CSMD3: variants seen among roughly 807,000 people sequenced by gnomAD.
CSMD3 encodes CUB and sushi domain-containing protein 3.
Under a neutral mutation model 435.2 loss-of-function variants are expected in CSMD3, and 177 were observed. That is an observed-to-expected ratio of 0.41 (90% CI 0.36 to 0.46). The LOEUF (loss-of-function observed/expected upper bound fraction) is 0.46. Among genes scored for constraint, CSMD3 ranks in the 20% least tolerant of loss-of-function variants. The probability of loss-of-function intolerance (pLI) is 0.34; values close to 1 mark genes in which losing one functional copy is unlikely to be tolerated. For missense variants in CSMD3, 4,265 were observed against 4,504.6 expected (o/e 0.95, Z 1.52); for synonymous variants, 1,656 against 1,520.5 (o/e 1.09, Z -2.07).
Position 112,492,668 on chromosome 8 carries a change from G to C in CSMD3, c.5099C>G (p.Ser1700Cys), listed in dbSNP as rs765905017. 1 of 1,613,646 alleles carries C rather than the reference G, an allele frequency of 6.2e-7. No individual in the cohort carries two copies. Among genetic ancestry groups the C allele is most frequent in the East Asian group, 2.2e-5 (1 of 44,858 alleles). The change falls in exon 31 of 71, where the codon TCC becomes TGC. Residue 1700 changes from serine to cysteine, a missense_variant. Ser to Cys is a moderately radical substitution (Grantham distance 112, BLOSUM62 -1). This residue lies in a region of CSMD3 where 3,255 missense variants were observed against 3,380.2 expected (regional missense o/e 0.96). Transcript: ENST00000297405. The part of the protein sequence containing the change: ...HLEYKAKLRE[S>C]CFDPGNIMNG... Reference sequence around the variant, plus strand: ...CATTATATTGCCTGGATCAAAGCAGGACTCTCGCAGTTTTGCTGTAAAACA... The same window carrying C: ...CATTATATTGCCTGGATCAAAGCAGCACTCTCGCAGTTTTGCTGTAAAACA...
chr8:112,791,058 C>T (rs1467640447), intron 13 of CSMD3, among the ~76,000 whole-genome samples: 1 of 152,080 alleles, frequency 6.6e-6, no homozygotes, highest in Non-Finnish European at 1.5e-5. Context: ...CACGGTGGCT[C>T]ACGCCTGTAA....
intron 2 of CSMD3, among the ~76,000 whole-genome samples, chr8:113,285,830 C>T (rs1227465736): frequency 6.6e-6 from 1 of 152,124 alleles, no homozygotes; most frequent in Non-Finnish European, 1.5e-5. Context: ...TTCAAAAATG[C>T]ATGTAAACTC....
intron 13 of CSMD3, among the ~76,000 whole-genome samples, chr8:112,739,096 T>C (rs554193365): frequency 1.8e-4 from 28 of 151,860 alleles, no homozygotes; most frequent in Non-Finnish European, 2.7e-4. Context: ...AAAATGATTA[T>C]ATGATAAAAA....
intron 12 of CSMD3, among the ~76,000 whole-genome samples, chr8:112,807,124 A>G (rs1386033264): frequency 6.6e-6 from 1 of 152,138 alleles, no homozygotes; most frequent in African/African-American, 2.4e-5. Flanking sequence ...GTCAATTCCC[A>G]TGAGTTACCT....
At chr8:112,270,514 A>G (rs1817426440) in intron 59 of CSMD3, among the ~76,000 whole-genome samples, 1 of 152,096 alleles carries the variant, frequency 6.6e-6, no homozygotes, top group African/African-American at 2.4e-5. Flanking sequence ...TTGGAATTCC[A>G]AAGTTACTTC....
intron 3 of CSMD3, among the ~76,000 whole-genome samples, chr8:113,242,561 C>T (rs530960804): frequency 1.2e-4 from 18 of 151,900 alleles, no homozygotes; most frequent in Non-Finnish European, 2.2e-4. Flanking sequence ...AACTGCAGTC[C>T]GCTTCTGCTT....
intron 1 of CSMD3, among the ~76,000 whole-genome samples, chr8:113,326,423 A>T (rs1428874082): frequency 2.0e-5 from 3 of 150,254 alleles, no homozygotes; most frequent in East Asian, 3.9e-4. Context: ...TTTTTTTTTA[A>T]ATCAGGGTAA....
At chr8:112,909,818 A>G (rs1436913480) in intron 10 of CSMD3, among the ~76,000 whole-genome samples, 1 of 151,808 alleles carries the variant, frequency 6.6e-6, no homozygotes, top group Non-Finnish European at 1.5e-5. Context: ...TATGAAAATG[A>G]GTTCATCTTT....
At chr8:113,159,589 T>C (rs1476192836) in intron 4 of CSMD3, among the ~76,000 whole-genome samples, 2 of 152,092 alleles carry the variant, frequency 1.3e-5, no homozygotes, top group Admixed American at 6.6e-5. Context: ...TATATTCTGA[T>C]AAGCCATAAT....
In CSMD3 at chr8:112,786,482, C is replaced by T. The variant is rs573238913; in HGVS notation, c.1972+13680G>A. On this transcript the variant is annotated intron_variant, in intron 13 of 70. Transcript: ENST00000297405. ...AAGGAGGCAGGGTGAAGAGAAAACACACAAAATGGGAGAAAATATTTGCAA... is the reference window on the plus strand; with the variant it reads ...AAGGAGGCAGGGTGAAGAGAAAACATACAAAATGGGAGAAAATATTTGCAA... Among the ~76,000 whole-genome samples, 367 of 151,716 alleles carry T rather than the reference C, an allele frequency of 2.4e-3. 1 individual carries two copies. The highest frequency in any genetic ancestry group is 4.3e-3 in the Non-Finnish European group (290 of 67,896).
chr8:112,817,691 G>A (rs1199024827), intron 12 of CSMD3, among the ~76,000 whole-genome samples: 2 of 152,042 alleles, frequency 1.3e-5, no homozygotes, highest in Non-Finnish European at 2.9e-5. Flanking sequence ...TAGAGAGAGA[G>A]AGAGAAAAGA....
At chr8:112,483,609 G>A (rs1322108198) in intron 31 of CSMD3, among the ~76,000 whole-genome samples, 4 of 152,158 alleles carry the variant, frequency 2.6e-5, no homozygotes, top group Non-Finnish European at 5.9e-5. Context: ...TGTTAGATCT[G>A]GTATGTAGTG....
chr8:112,448,185 CT>C (rs1242701072), intron 32 of CSMD3, among the ~76,000 whole-genome samples: 1 of 152,176 alleles, frequency 6.6e-6, no homozygotes, highest in Non-Finnish European at 1.5e-5. Context: ...CTACTGCCTT[CT>C]TGCTGTGTCC....
chr8:112,473,503 G>C (rs1397753372), intron 31 of CSMD3, among the ~76,000 whole-genome samples: 8 of 152,118 alleles, frequency 5.3e-5, no homozygotes, highest in African/African-American at 1.9e-4. Flanking sequence ...GAGGTTCTAG[G>C]AGACACCAAA....
intron 4 of CSMD3, among the ~76,000 whole-genome samples, chr8:113,129,667 A>T (rs2091234027): frequency 6.6e-6 from 1 of 152,206 alleles, no homozygotes; most frequent in Admixed American, 6.5e-5. Context: ...GGACACTGTG[A>T]GAATCATGGA....
intron 1 of CSMD3, among the ~76,000 whole-genome samples, chr8:113,416,748 T>C (rs1425577119): frequency 6.6e-6 from 1 of 152,124 alleles, no homozygotes; most frequent in Non-Finnish European, 1.5e-5. Context: ...AAGCTTTCAC[T>C]TGGTTGTGGT....
chr8:112,931,504 A>T (rs980650670), intron 9 of CSMD3, among the ~76,000 whole-genome samples: 8 of 152,054 alleles, frequency 5.3e-5, no homozygotes, highest in African/African-American at 1.9e-4. Context: ...AAAAAAAAAA[A>T]ACTTAGGGAA....
At position 112,406,509 on chromosome 8, in the gene CSMD3, A is replaced by T; in HGVS notation, c.5809+15T>A. ...ACTATGTATAATCACAGATCATACA[A>T]ATTTATATACTCACCAATACAAGTA... On this transcript the variant is annotated intron_variant, in intron 35 of 70. Coordinates refer to ENST00000297405, the MANE Select transcript of CSMD3 (RefSeq NM_198123.2). 1 of 1,577,830 alleles carries T rather than the reference A, an allele frequency of 6.3e-7. No individual in the cohort carries two copies. The highest frequency in any genetic ancestry group is 8.7e-7 in the Non-Finnish European group (1 of 1,150,272).
intron 2 of CSMD3, among the ~76,000 whole-genome samples, chr8:113,302,557 A>C (rs546892299): frequency 1.1e-4 from 17 of 151,720 alleles, no homozygotes; most frequent in African/African-American, 4.1e-4. Flanking sequence ...ATTATGTAAA[A>C]ATTTTGTTAC....
Sources: gnomAD v4.1 joint callset for allele counts (sites outside exome capture counted in the v4.1 genomes callset) on GRCh38, gnomAD v4.1.1 for gene constraint, gnomAD v4.1.1 regional missense constraint, MANE v1.5 for transcripts, NCBI Gene and HGNC (gene_info 2026-07-23, HGNC 2026-07-21) for gene names.